MTIF2: variants seen among roughly 807,000 people sequenced by gnomAD.
The protein encoded by MTIF2 is mitochondrial translational initiation factor 2, also known as translation initiation factor IF-2, mitochondrial.
In MTIF2, 71 loss-of-function variants were observed where a neutral mutation model predicts 83.5. The ratio of observed to expected loss-of-function variants is 0.85; its 90% CI spans 0.70 to 1.04. The LOEUF is 1.04. Ranked by LOEUF, MTIF2 falls within the 50% of genes least tolerant of loss-of-function variation. The pLI is 0.00. For missense variants in MTIF2, 957 were observed against 846.5 expected, an observed-to-expected ratio of 1.13 and a Z score of -1.62; for synonymous variants, 319 against 287.1, an observed-to-expected ratio of 1.11 and a Z score of -1.12.
chr2:55,262,476 G>C (rs771816540), intron 4 of MTIF2, 49 bp from the exon 5 acceptor site: 11 of 1,188,892 alleles, frequency 9.3e-6, no homozygotes, highest in Non-Finnish European at 9.8e-6. Flanking sequence ...AAAAACTTAA[G>C]TGACAATTTA....
intron 15 of MTIF2, among the ~76,000 whole-genome samples, chr2:55,237,036 C>G (rs1417620450): frequency 6.6e-6 from 1 of 152,192 alleles, no homozygotes; most frequent in Non-Finnish European, 1.5e-5. Context: ...ACCTAAATCT[C>G]CTATTTCAAA....
At position 55,240,075 on chromosome 2, in the gene MTIF2, A is replaced by G; in HGVS notation, c.1806T>C (p.Leu602=). The part of the protein sequence containing the change: ...KIKLHKIIYR[L]VEDLQEELSS... The stretch of plus-strand genomic sequence containing the variant: ...TCAGTTCCTCTTGCAAATCTTCAAC[A>G]AGACGGTAAATTATTTTGTGAAGTT... Residue 602 remains leucine, a synonymous_variant, in exon 14 of 16, where the codon CTT becomes CTC. Coordinates refer to ENST00000263629, the MANE Select transcript of MTIF2 (RefSeq NM_002453.3). 6.2e-7 allele frequency: 1 copy of G among 1,613,756 alleles called. No individual in the cohort carries two copies. Among genetic ancestry groups the G allele is most frequent in the Non-Finnish European group, 8.5e-7 (1 of 1,180,022 alleles).
intron 14 of MTIF2, among the ~76,000 whole-genome samples, chr2:55,238,470 C>G (rs1454260443): frequency 1.3e-5 from 2 of 149,042 alleles, no homozygotes. Flanking sequence ...GGCTCACCAG[C>G]AAACTCCGCC....
intron 2 of MTIF2, among the ~76,000 whole-genome samples, chr2:55,268,044 G>C (rs1678566111): frequency 6.6e-6 from 1 of 152,104 alleles, no homozygotes; most frequent in Non-Finnish European, 1.5e-5. Flanking sequence ...CCTGAGGTCA[G>C]GAGTTCGAGA....
chr2:55,244,191 T>G lies in MTIF2; in HGVS notation c.1149A>C (p.Lys383Asn), dbSNP rs1237463501. Residue 383 changes from lysine to asparagine, a missense_variant, in exon 11 of 16, where the codon AAA becomes AAC. By Grantham distance (94) the Lys-to-Asn change is moderately conservative. Coordinates refer to ENST00000263629, the MANE Select transcript of MTIF2 (RefSeq NM_002453.3). ...ATTTTCCAGCAACCAGAACAGAGCC[T>G]TTTCTTAAAGTTCCTCTTTGAATTA... Reference protein sequence around the residue: ...TAIIQRGTLRKGSVLVAGKCW... With the variant: ...TAIIQRGTLRNGSVLVAGKCW... 1 of 1,614,056 alleles carries G rather than the reference T, an allele frequency of 6.2e-7. No homozygotes were observed. The highest frequency in any genetic ancestry group is 1.3e-5 in the African/African-American group (1 of 75,054).
intron 5 of MTIF2, among the ~76,000 whole-genome samples, chr2:55,257,557 G>A (rs759864053): frequency 5.9e-5 from 9 of 152,160 alleles, no homozygotes; most frequent in Non-Finnish European, 5.9e-5. Flanking sequence ...TCACTGGTAT[G>A]CTGGCAAATG....
At position 55,249,517 on chromosome 2, in the gene MTIF2, C is replaced by A; in HGVS notation, c.859G>T (p.Val287Leu). 1 of 1,613,838 alleles carries A rather than the reference C, an allele frequency of 6.2e-7. No individual in the cohort carries two copies. Among genetic ancestry groups the A allele is most frequent in the Non-Finnish European group, 8.5e-7 (1 of 1,179,926 alleles). Residue 287 changes from valine (V) to leucine (L), a missense_variant, in exon 9 of 16, where the codon GTA (valine) becomes TTA (leucine). Transcript: ENST00000263629. Reference sequence around the variant, plus strand: ...GCCTCAGCTTTGTCACATTTATTTACGGCAAGGATAATAGGAACTGAAAGA... The same window carrying A: ...GCCTCAGCTTTGTCACATTTATTTAAGGCAAGGATAATAGGAACTGAAAGA... ...KDAQVPIILA[V>L]NKCDKAEADP...
intron 8 of MTIF2, among the ~76,000 whole-genome samples, chr2:55,250,210 C>T (rs546494826): frequency 2.6e-5 from 4 of 152,176 alleles, no homozygotes; most frequent in African/African-American, 9.6e-5. Context: ...GCCAGCCCTG[C>T]AGAATCGTGT....
chr2:55,267,347 C>A (rs1010961658), intron 3 of MTIF2, among the ~76,000 whole-genome samples: 1 of 151,790 alleles, frequency 6.6e-6, no homozygotes. Context: ...TTAGTAGAGA[C>A]GGGGTTTCAC....
chr2:55,243,745 C>T, intron 11 of MTIF2, 77 bp from the exon 12 acceptor site: 2 of 1,452,322 alleles, frequency 1.4e-6, no homozygotes, highest in Middle Eastern at 1.8e-4. Context: ...TGTTGTCCTG[C>T]ATTAGGAAAT....
intron 14 of MTIF2, among the ~76,000 whole-genome samples, chr2:55,239,528 G>GA (rs1250599787): frequency 3.3e-5 from 5 of 150,962 alleles, no homozygotes; most frequent in African/African-American, 9.7e-5. Context: ...ACGTGGGGAG[G>GA]AAAAAAAACA....
chr2:55,238,808 A>C (rs950680160), intron 14 of MTIF2, among the ~76,000 whole-genome samples: 1 of 152,116 alleles, frequency 6.6e-6, no homozygotes, highest in Non-Finnish European at 1.5e-5. Context: ...GTGTTATCTG[A>C]CTGGTGTCTT....
intron 13 of MTIF2, among the ~76,000 whole-genome samples, chr2:55,240,895 T>C (rs555744060): frequency 1.3e-5 from 2 of 152,338 alleles, no homozygotes; most frequent in South Asian, 4.1e-4. Context: ...TCTACAATTT[T>C]TGTGGTTTGC....
intron 11 of MTIF2, among the ~76,000 whole-genome samples, 175 bp from the exon 12 acceptor site, chr2:55,243,843 A>T (rs951989091): frequency 6.6e-6 from 1 of 152,210 alleles, no homozygotes; most frequent in African/African-American, 2.4e-5. Context: ...AATTGAAATG[A>T]TTTAAAAATC....
At chr2:55,245,349 C>T (rs957248707) in intron 10 of MTIF2, among the ~76,000 whole-genome samples, 9 of 152,042 alleles carry the variant, frequency 5.9e-5, no homozygotes, top group Admixed American at 1.3e-4. Context: ...TGGTGAAAAT[C>T]CTGTCTCTAA....
intron 10 of MTIF2, among the ~76,000 whole-genome samples, chr2:55,245,516 G>A (rs929948253): frequency 6.6e-6 from 1 of 152,062 alleles, no homozygotes; most frequent in Non-Finnish European, 1.5e-5. Flanking sequence ...AAGAGCAAAA[G>A]TCCGTCTCAA....
Position 55,243,712 on chromosome 2 carries a change from T to A in MTIF2, c.1312-44A>T, listed in dbSNP as rs539216405. The A allele has an allele frequency of 8.2e-6, 13 of 1,587,884 alleles. No homozygotes were observed. The African/African-American group carries it at 9.5e-5, about 12-fold the overall frequency. On this transcript the variant is annotated intron_variant, in intron 11 of 15. Coordinates refer to ENST00000263629, the MANE Select transcript of MTIF2 (RefSeq NM_002453.3). ...TATTATTTAATGAAATAGACATCAATAACTGCTAGATTAAAGCCTTTGTGT... is the reference window on the plus strand; with the variant it reads ...TATTATTTAATGAAATAGACATCAAAAACTGCTAGATTAAAGCCTTTGTGT...
chr2:55,247,147 G>C (rs571949913), intron 9 of MTIF2, among the ~76,000 whole-genome samples: 1 of 152,150 alleles, frequency 6.6e-6, no homozygotes, highest in Non-Finnish European at 1.5e-5. Context: ...GTGCTCTCTA[G>C]GGCTCCAAGA....
At chr2:55,264,011 T>G in intron 3 of MTIF2, 146 bp from the exon 4 acceptor site, 1 of 628,898 alleles carries the variant, frequency 1.6e-6, no homozygotes, top group Non-Finnish European at 2.8e-6. Flanking sequence ...CCCTGAAAAA[T>G]CTCAGTCTCA....
Sources: gnomAD v4.1 joint callset for allele counts (sites outside exome capture counted in the v4.1 genomes callset) on GRCh38, gnomAD v4.1.1 for gene constraint, MANE v1.5 for transcripts, NCBI Gene and HGNC (gene_info 2026-07-23, HGNC 2026-07-21) for gene names.